STXBP5L: variants seen among roughly 807,000 people sequenced by gnomAD.
STXBP5L encodes syntaxin binding protein 5L, also known as syntaxin-binding protein 5-like.
STXBP5L carries 65 observed loss-of-function variants against 144.5 expected under a neutral mutation model. The observed-to-expected ratio is 0.45, with a 90% confidence interval of 0.37 to 0.55. STXBP5L has a LOEUF of 0.55. STXBP5L is among the 20% of genes least tolerant of loss of function. The pLI is 0.00. For missense variants in STXBP5L, 1,298 were observed against 1,405.5 expected, an observed-to-expected ratio of 0.92 and a Z score of 1.22; for synonymous variants, 505 against 469.6, an observed-to-expected ratio of 1.08 and a Z score of -0.97.
intron 7 of STXBP5L, among the ~76,000 whole-genome samples, chr3:121,149,321 A>C (rs538145972): frequency 1.3e-5 from 2 of 152,062 alleles, no homozygotes; most frequent in Non-Finnish European, 2.9e-5. Context: ...ATACTTCTTT[A>C]AATCTCTCTC....
intron 2 of STXBP5L, among the ~76,000 whole-genome samples, chr3:120,944,339 A>C (rs1409388577): frequency 6.6e-6 from 1 of 151,666 alleles, no homozygotes; most frequent in African/African-American, 2.4e-5. Context: ...ATGACTTTTA[A>C]TTATCTTAAT....
At chr3:121,311,665 A>G (rs1407979928) in intron 19 of STXBP5L, among the ~76,000 whole-genome samples, 1 of 152,244 alleles carries the variant, frequency 6.6e-6, no homozygotes, top group Non-Finnish European at 1.5e-5. Context: ...AAGGAGAACT[A>G]CAAACCACTG....
At chr3:121,049,609 G>GT (rs1458684127) in intron 5 of STXBP5L, 1 of 154,392 alleles carries the variant, frequency 6.5e-6, no homozygotes, top group Non-Finnish European at 1.5e-5. Flanking sequence ...GAGAATTCTG[G>GT]TAGGGCTGTG....
intron 9 of STXBP5L, chr3:121,157,843 CT>C (rs2108005829): frequency 1.8e-6 from 1 of 563,590 alleles, no homozygotes; most frequent in South Asian, 2.5e-5. Flanking sequence ...GTTTTGTAAG[CT>C]GTAGTTATGT....
intron 5 of STXBP5L, among the ~76,000 whole-genome samples, chr3:121,103,493 T>C (rs921077705): frequency 5.3e-5 from 8 of 151,996 alleles, no homozygotes; most frequent in Non-Finnish European, 8.8e-5. Flanking sequence ...ACATTGGATG[T>C]ACTTGGATAA....
chr3:121,091,893 A>G (rs918519799), intron 5 of STXBP5L, among the ~76,000 whole-genome samples: 7 of 151,990 alleles, frequency 4.6e-5, no homozygotes, highest in African/African-American at 1.7e-4. Context: ...TTCTTCTAGG[A>G]TCTTTATGGT....
At chr3:121,023,169 C>G (rs923121624) in intron 3 of STXBP5L, among the ~76,000 whole-genome samples, 1 of 151,460 alleles carries the variant, frequency 6.6e-6, no homozygotes, top group African/African-American at 2.4e-5. Flanking sequence ...AAAAAAAATA[C>G]TTAGGAATAT....
chr3:121,392,770 CATATATATATATATATAT>C (rs71133531), intron 22 of STXBP5L, among the ~76,000 whole-genome samples: 1,900 of 112,384 alleles, frequency 0.017, 69 homozygotes, highest in African/African-American at 0.034. Context: ...TATTTCATGG[CATATATATATATATATAT>C]ATATATATAT....
intron 5 of STXBP5L, among the ~76,000 whole-genome samples, chr3:121,094,136 A>G (rs1229378839): frequency 6.6e-6 from 1 of 152,046 alleles, no homozygotes; most frequent in Non-Finnish European, 1.5e-5. Context: ...GGTCTGAGAG[A>G]CAGTTTGTTA....
At chr3:121,310,759 A>C (rs1230193765) in intron 19 of STXBP5L, among the ~76,000 whole-genome samples, 1 of 151,920 alleles carries the variant, frequency 6.6e-6, no homozygotes, top group Non-Finnish European at 1.5e-5. Context: ...AAATACCAAA[A>C]TTAGCCAGGC....
At chr3:121,058,263 G>A (rs759780164) in intron 5 of STXBP5L, among the ~76,000 whole-genome samples, 5 of 152,140 alleles carry the variant, frequency 3.3e-5, no homozygotes, top group Non-Finnish European at 7.4e-5. Flanking sequence ...GCTGAGAATC[G>A]TGGTTTCCAG....
At chr3:121,300,610 G>T (rs2051852612) in intron 19 of STXBP5L, among the ~76,000 whole-genome samples, 1 of 151,566 alleles carries the variant, frequency 6.6e-6, no homozygotes, top group Admixed American at 6.6e-5. Flanking sequence ...ATAATCCCTA[G>T]AACAACCATT....
rs181445717 is a variant in STXBP5L, at chr3:121,094,999, C to T, written c.471-19926C>T. On this transcript the variant is annotated intron_variant, in intron 5 of 26. Transcript: ENST00000471454. Reference sequence around the variant, plus strand: ...ACAAAATCTCTCAGCATTTGCTTGTCTGTAAAGCATATCTGTAAAGCATTG... The same window carrying T: ...ACAAAATCTCTCAGCATTTGCTTGTTTGTAAAGCATATCTGTAAAGCATTG... Among the ~76,000 whole-genome samples, 261 of 152,122 alleles carry T rather than the reference C, an allele frequency of 1.7e-3. 2 individuals carry two copies. The highest frequency in any genetic ancestry group is 2.2e-3 in the Admixed American group (34 of 15,280).
intron 25 of STXBP5L, among the ~76,000 whole-genome samples, chr3:121,417,777 C>T (rs1294255270): frequency 6.6e-6 from 1 of 152,188 alleles, no homozygotes; most frequent in Non-Finnish European, 1.5e-5. Context: ...AAATTTTTAA[C>T]ATATGTAACT....
At chr3:121,118,072 A>G (rs545633569) in intron 6 of STXBP5L, among the ~76,000 whole-genome samples, 10 of 151,856 alleles carry the variant, frequency 6.6e-5, no homozygotes, top group African/African-American at 2.2e-4. Context: ...TGTAAGACTC[A>G]TGTTTAACAT....
chr3:121,144,964 T>G (rs1238299545), intron 7 of STXBP5L, among the ~76,000 whole-genome samples: 1 of 151,920 alleles, frequency 6.6e-6, no homozygotes, highest in African/African-American at 2.4e-5. Context: ...GTCATATATA[T>G]AGAATCAAAG....
In STXBP5L at chr3:121,182,730, A is replaced by T. The variant is rs150506576; in HGVS notation, c.878-23193A>T. Among the ~76,000 whole-genome samples the T allele has an allele frequency of 3.0e-3, 462 of 152,342 alleles. 3 individuals are homozygous for T. Among genetic ancestry groups the T allele is most frequent in the African/African-American group, 0.01 (431 of 41,578 alleles). On this transcript the variant is annotated intron_variant, in intron 9 of 26. Transcript: ENST00000471454. ...AAAAGCTGGTTCTTTGAAAAGATAC[A>T]CAAAATTGATAGACCATTAGTTAGA...
Position 121,391,395 on chromosome 3 carries a change from G to T in STXBP5L, c.2587+9863G>T, listed in dbSNP as rs558637371. On this transcript the variant is annotated intron_variant, in intron 22 of 26. Coordinates refer to ENST00000471454, the MANE Select transcript of STXBP5L (RefSeq NM_001308330.2). The stretch of plus-strand genomic sequence containing the variant: ...TTCTGAAGCCTACTTCTGTCAACTT[G>T]TCAAAGTCATTCTCTGTCCAGCTTT... Among the ~76,000 whole-genome samples the T allele has an allele frequency of 5.9e-5, 9 of 152,234 alleles. No homozygotes were observed. In the East Asian group the frequency reaches 1.7e-3, roughly 29 times the overall value.
At chr3:121,414,515 G>A (rs1352555994) in intron 24 of STXBP5L, among the ~76,000 whole-genome samples, 1 of 152,162 alleles carries the variant, frequency 6.6e-6, no homozygotes, top group Non-Finnish European at 1.5e-5. Context: ...TATTTTGTGT[G>A]TCCCTTAATC....
Sources: allele counts gnomAD v4.1 joint callset (sites outside exome capture counted in the v4.1 genomes callset), GRCh38; gene constraint gnomAD v4.1.1; transcripts MANE v1.5; gene names NCBI Gene and HGNC (gene_info 2026-07-23, HGNC 2026-07-21).